The following OGDHL variants were observed in gnomAD, a reference collection of about 807,000 sequenced individuals.
OGDHL encodes the protein oxoglutarate dehydrogenase L, also known as 2-oxoglutarate dehydrogenase-like, mitochondrial.
Under a neutral mutation model 109.6 loss-of-function variants are expected in OGDHL, and 79 were observed. The observed-to-expected ratio is 0.72, with a 90% confidence interval of 0.60 to 0.87. OGDHL has a LOEUF of 0.87. Ranked by LOEUF, OGDHL falls within the 40% of genes least tolerant of loss-of-function variation. The pLI is 0.00. For synonymous variants in OGDHL, 528 were observed against 537.2 expected (o/e 0.98, Z 0.24); for missense variants, 1,275 against 1,362.2 (o/e 0.94, Z 1.01).
intron 17 of OGDHL, 83 bp from the exon 18 acceptor site, chr10:49,738,345 A>G (rs1590681505): frequency 4.7e-6 from 7 of 1,492,990 alleles, no homozygotes; most frequent in Middle Eastern, 2.4e-4. Flanking sequence ...GGCTCAGGGG[A>G]AAGTCTGGAG....
At chr10:49,743,841 G>T in intron 14 of OGDHL, 153 bp downstream of exon 14, 1 of 884,676 alleles carries the variant, frequency 1.1e-6, no homozygotes, top group Non-Finnish European at 1.7e-6. Context: ...ACTGTCACGG[G>T]CACAGACATG....
At position 49,740,720 on chromosome 10, in the gene OGDHL, G is replaced by A. The variant is rs746116122; in HGVS notation, c.2130C>T (p.Tyr710=). 42 of 1,613,540 alleles carry A rather than the reference G, an allele frequency of 2.6e-5. No individual in the cohort carries two copies. Among genetic ancestry groups the A allele is most frequent in the East Asian group, 4.5e-5 (2 of 44,888 alleles). ...YTVCNSSLSE[Y]GVLGFELGYA... is the part of the protein sequence containing the mutation. ...AGAGCGTGGACCCACCCAGGACTCC[G>A]TACTCCGAGAGGGAGCTGTTGCACA... The change falls in exon 16 of 23, where the codon TAC becomes TAT. Residue 710 remains tyrosine, a synonymous_variant. Coordinates refer to ENST00000374103, the MANE Select transcript of OGDHL (RefSeq NM_018245.3).
chr10:49,754,030 G>C (rs1371012632), intron 3 of OGDHL, among the ~76,000 whole-genome samples: 1 of 151,870 alleles, frequency 6.6e-6, no homozygotes, highest in African/African-American at 2.4e-5. Context: ...CCATAAGATT[G>C]ACAGGGTCAA....
At chr10:49,754,675 T>TG (rs1590760136) in intron 3 of OGDHL, among the ~76,000 whole-genome samples, 1 of 79,290 alleles carries the variant, frequency 1.3e-5, no homozygotes, top group South Asian at 4.9e-4. Context: ...AAGCTGATTT[T>TG]GAAAAAAAAA....
intron 6 of OGDHL, among the ~76,000 whole-genome samples, chr10:49,751,391 G>A (rs900841014): frequency 6.6e-6 from 1 of 152,040 alleles, no homozygotes; most frequent in Non-Finnish European, 1.5e-5. Flanking sequence ...CCCACACCTC[G>A]CTGCTCAGGA....
At chr10:49,757,748 G>A (rs1433059447) in intron 2 of OGDHL, among the ~76,000 whole-genome samples, 1 of 152,176 alleles carries the variant, frequency 6.6e-6, no homozygotes, top group African/African-American at 2.4e-5. Context: ...AAACAGCAGG[G>A]AGCAAAACAG....
Position 49,736,395 on chromosome 10 carries a change from C to T in OGDHL, c.2716G>A (p.Asp906Asn). The T allele has an allele frequency of 6.2e-7, 1 of 1,614,182 alleles. No individual in the cohort carries two copies. The highest frequency in any genetic ancestry group is 1.1e-5 in the South Asian group (1 of 91,086). ...GTGATGGCCACTTTCTCCTCCAGGT[C>T]CTGGCTGCTCCGCTCCTTCACCAGG... Reference protein sequence around the residue: ...YDLVKERSSQDLEEKVAITRL... With the variant: ...YDLVKERSSQNLEEKVAITRL... The change falls in exon 21 of 23, where the codon GAC becomes AAC. Residue 906 changes from aspartate to asparagine, a missense_variant. Physicochemically the swap from Asp to Asn is conservative, Grantham distance 23. Coordinates refer to ENST00000374103, the MANE Select transcript of OGDHL (RefSeq NM_018245.3).
chr10:49,739,393 T>C (rs967999644), intron 17 of OGDHL: 4 of 423,228 alleles, frequency 9.5e-6, no homozygotes, highest in African/African-American at 7.9e-5. Context: ...GTTGTATGGA[T>C]TGGAAGAGTT....
In OGDHL at chr10:49,736,489, A is replaced by G. The variant is rs779504435; in HGVS notation, c.2622T>C (p.Asp874=). The G allele has an allele frequency of 6.2e-7, 1 of 1,613,664 alleles. No individual in the cohort carries two copies. Among genetic ancestry groups the G allele is most frequent in the Non-Finnish European group, 8.5e-7 (1 of 1,179,994 alleles). The change falls in exon 21 of 23, where the codon GAT becomes GAC. Residue 874 remains aspartate, a synonymous_variant. Transcript: ENST00000374103. ...GCTCAGGGGCCCGTGCTGCGGCCCCATCTTCAGGAATCACCCGCTGGAAGC... is the reference window on the plus strand; with the variant it reads ...GCTCAGGGGCCCGTGCTGCGGCCCCGTCTTCAGGAATCACCCGCTGGAAGC... The part of the protein sequence containing the change: ...GTSFQRVIPE[D]GAAARAPEQV...
intron 10 of OGDHL, 94 bp from the exon 11 acceptor site, chr10:49,746,071 G>T: frequency 7.4e-7 from 1 of 1,345,636 alleles, no homozygotes; most frequent in Non-Finnish European, 1.0e-6. Flanking sequence ...GGATGCTCAA[G>T]GTCCACTGAG....
Position 49,739,670 on chromosome 10 carries a change from C to T in OGDHL, c.2310G>A (p.Met770Ile), listed in dbSNP as rs759211934. The T allele has an allele frequency of 1.2e-6, 2 of 1,613,392 alleles. No individual in the cohort carries two copies. The highest frequency in any genetic ancestry group is 3.3e-5 in the Admixed American group (2 of 59,986). The change falls in exon 17 of 23, where the codon ATG becomes ATA. Residue 770 changes from methionine (M) to isoleucine (I), a missense_variant. By Grantham distance (10) the Met-to-Ile change is conservative (BLOSUM62 1). Transcript: ENST00000374103. ...CCACCGCAGCCCTCACCATGCCTTC[C>T]ATGCCATGGGGCAGCAGCAGCACAA... ...NGIVLLLPHG[M>I]EGMGPEHSSA...
chr10:49,742,506 A>T (rs1841846958), intron 15 of OGDHL, among the ~76,000 whole-genome samples: 3 of 57,386 alleles, frequency 5.2e-5, no homozygotes, highest in African/African-American at 1.9e-4. Context: ...CATACCACAC[A>T]CCACATACAC....
rs1843035848 is a variant in OGDHL, at chr10:49,758,306, C to T, written c.204+83G>A. On this transcript the variant is annotated intron_variant, in intron 2 of 22. Transcript: ENST00000374103. Reference sequence around the variant, plus strand: ...CCAGGATCACACAGCAGGCAAGCTGCTTCTCCCCACTGCCCTGCCACAGCC... The same window carrying T: ...CCAGGATCACACAGCAGGCAAGCTGTTTCTCCCCACTGCCCTGCCACAGCC... 6 of 1,380,748 alleles carry T rather than the reference C, an allele frequency of 4.3e-6. No homozygotes were observed. In the Admixed American group the frequency reaches 6.1e-5, roughly 14 times the overall value. The allele number at this position is 1,380,748 out of a possible 1,614,324, so 85.5% of individuals were successfully genotyped here.
Position 49,751,911 on chromosome 10 carries a change from C to A in OGDHL, c.665G>T (p.Arg222Leu). 1 of 1,614,158 alleles carries A rather than the reference C, an allele frequency of 6.2e-7. No homozygotes were observed. The highest frequency in any genetic ancestry group is 8.5e-7 in the Non-Finnish European group (1 of 1,180,024). Residue 222 changes from arginine to leucine, a missense_variant, in exon 6 of 23, where the codon CGG (arginine) becomes CTG (leucine). Transcript: ENST00000374103. The part of the protein sequence containing the change: ...INDVEQCQWI[R>L]QKFETPGVMQ... ...CACACCAGGGGTCTCAAACTTCTGC[C>A]GGATCCACTGGCACTGCTCCACATC... is the stretch of plus-strand genomic sequence containing the variant.
At chr10:49,760,043 C>G (rs1171192298) in intron 1 of OGDHL, among the ~76,000 whole-genome samples, 1 of 152,248 alleles carries the variant, frequency 6.6e-6, no homozygotes, top group Non-Finnish European at 1.5e-5. Context: ...GGTCAGGCCC[C>G]ACCAGAGGGC....
At chr10:49,741,823 C>T (rs1841688456) in intron 15 of OGDHL, among the ~76,000 whole-genome samples, 1 of 146,974 alleles carries the variant, frequency 6.8e-6, no homozygotes, top group African/African-American at 2.5e-5. Context: ...CACACATATA[C>T]ACCACACACA....
Position 49,746,004 on chromosome 10 carries a change from G to A in OGDHL, c.1297-27C>T, listed in dbSNP as rs369918792. 497 of 1,609,408 alleles carry A rather than the reference G, an allele frequency of 3.1e-4. 3 individuals are homozygous for A. The African/African-American group carries it at 4.3e-3, about 14-fold the overall frequency. ...TGCAGAGGCAGGAGAAACCTGCTGCGCCTCTCAATTTACTTAGAGTGAGAT... is the reference window on the plus strand; with the variant it reads ...TGCAGAGGCAGGAGAAACCTGCTGCACCTCTCAATTTACTTAGAGTGAGAT... On this transcript the variant is annotated intron_variant, in intron 10 of 22. Coordinates refer to ENST00000374103, the MANE Select transcript of OGDHL (RefSeq NM_018245.3).
rs1260511683 is a variant in OGDHL at position 49,738,062 on chromosome 10, T to C, written c.2402A>G (p.Lys801Arg). The C allele has an allele frequency of 4.3e-6, 7 of 1,614,020 alleles. No homozygotes were observed. The highest frequency in any genetic ancestry group is 5.9e-6 in the Non-Finnish European group (7 of 1,180,018). ...ATAGAGCTGGCTCACCTCGAAGTCCTTGGTGAATGCCTGTGGGGACGAGAT... is the reference window on the plus strand; with the variant it reads ...ATAGAGCTGGCTCACCTCGAAGTCCCTGGTGAATGCCTGTGGGGACGAGAT... Reference protein sequence around the residue: ...DDSDAYPAFTKDFEVSQLYDC... With the variant: ...DDSDAYPAFTRDFEVSQLYDC... Residue 801 changes from lysine (K) to arginine (R), a missense_variant, in exon 19 of 23, where the codon AAG (lysine) becomes AGG (arginine). By Grantham distance (26) the Lys-to-Arg change is conservative. Coordinates refer to ENST00000374103, the MANE Select transcript of OGDHL (RefSeq NM_018245.3).
At chr10:49,748,124 G>T (rs1374852540) in intron 8 of OGDHL, among the ~76,000 whole-genome samples, 2 of 152,184 alleles carry the variant, frequency 1.3e-5, no homozygotes, top group Non-Finnish European at 2.9e-5. Flanking sequence ...CGTAGCTCCA[G>T]CCGCTGCACT....
Sources: allele counts gnomAD v4.1 joint callset (sites outside exome capture counted in the v4.1 genomes callset), GRCh38; gene constraint gnomAD v4.1.1; transcripts MANE v1.5; gene names NCBI Gene and HGNC (gene_info 2026-07-23, HGNC 2026-07-21).